AGBL4: variants seen among roughly 807,000 people sequenced by gnomAD.
AGBL4 encodes the protein AGBL carboxypeptidase 4, also known as cytosolic carboxypeptidase 6.
Under a neutral mutation model 66.4 loss-of-function variants are expected in AGBL4, and 58 were observed. The ratio of observed to expected loss-of-function variants is 0.87; its 90% CI spans 0.71 to 1.09. The LOEUF (loss-of-function observed/expected upper bound fraction) is 1.09. Ranked by LOEUF, AGBL4 falls within the 50% of genes least tolerant of loss-of-function variation. AGBL4 has a pLI of 0.00. For synonymous variants in AGBL4, 234 were observed against 222.9 expected (o/e 1.05, Z -0.44); for missense variants, 579 against 631.0 (o/e 0.92, Z 0.88).
chr1:48,714,368 C>G (rs1050955014), intron 6 of AGBL4, among the ~76,000 whole-genome samples: 1 of 152,218 alleles, frequency 6.6e-6, no homozygotes, highest in Non-Finnish European at 1.5e-5. Context: ...CACTGTCCAC[C>G]CACTCAGCCA....
chr1:48,871,961 A>T (rs868834014), intron 5 of AGBL4, among the ~76,000 whole-genome samples: 3 of 152,190 alleles, frequency 2.0e-5, no homozygotes, highest in Non-Finnish European at 2.9e-5. Context: ...TCTGGATTCA[A>T]TTATTCTCTC....
At chr1:49,053,016 T>C (rs983921126) in intron 4 of AGBL4, among the ~76,000 whole-genome samples, 1 of 152,150 alleles carries the variant, frequency 6.6e-6, no homozygotes, top group Non-Finnish European at 1.5e-5. Context: ...GTTTAGCTTA[T>C]AGATTTGTTG....
chr1:49,942,780 G>A (rs1654885739), intron 1 of AGBL4, among the ~76,000 whole-genome samples: 1 of 152,110 alleles, frequency 6.6e-6, no homozygotes, highest in African/African-American at 2.4e-5. Context: ...ATGAATTTTT[G>A]TACATGGTAT....
rs188202624 is a variant in AGBL4 at position 49,529,493 on chromosome 1, A to T, written c.282+167820T>A. Among the ~76,000 whole-genome samples the T allele has an allele frequency of 2.9e-3, 436 of 152,176 alleles. 2 individuals carry two copies. The highest frequency in any genetic ancestry group is 5.1e-3 in the Non-Finnish European group (347 of 67,994). On this transcript the variant is annotated intron_variant, in intron 3 of 13. Coordinates refer to ENST00000371839, the MANE Select transcript of AGBL4 (RefSeq NM_032785.4). ...CAGGAGTTCAAGACAAGCCTGGCCA[A>T]CATGGTGAAACCCCTTCTCTACTAA...
rs575783156 is a variant in AGBL4, at chr1:49,757,913, G to T, written c.158-60476C>A. On this transcript the variant is annotated intron_variant, in intron 2 of 13. Transcript: ENST00000371839. Reference sequence around the variant, plus strand: ...AGTAAAGAGGAGCTGAATGTTAATTGATAAGACTATGGGGAAAACGTCTCC... The same window carrying T: ...AGTAAAGAGGAGCTGAATGTTAATTTATAAGACTATGGGGAAAACGTCTCC... Among the ~76,000 whole-genome samples, 15 of 152,332 alleles carry T rather than the reference G, an allele frequency of 9.8e-5. No homozygotes were observed. In the South Asian group the frequency reaches 3.1e-3, roughly 32 times the overall value.
chr1:48,631,637 G>A lies in AGBL4; in HGVS notation c.951+2856C>T, dbSNP rs568580420. ...TCGAACTCCTGACTTCAGGTGGTCC[G>A]CCTGCCTCAGCTTCCCAAAGTGCTG... On this transcript the variant is annotated intron_variant, in intron 9 of 13. Transcript: ENST00000371839. 1.3e-4 allele frequency among the ~76,000 whole-genome samples: 20 copies of A among 152,204 alleles called. No homozygotes were observed. In the South Asian group the frequency reaches 3.3e-3, roughly 25 times the overall value.
intron 1 of AGBL4, among the ~76,000 whole-genome samples, chr1:49,954,448 C>T (rs1656423434): frequency 6.6e-6 from 1 of 151,966 alleles, no homozygotes; most frequent in African/African-American, 2.4e-5. Flanking sequence ...TCCTCCCTTT[C>T]TCTTTCCCAC....
At chr1:48,819,063 G>A (rs915174134) in intron 6 of AGBL4, among the ~76,000 whole-genome samples, 53 of 152,270 alleles carry the variant, frequency 3.5e-4, no homozygotes, top group African/African-American at 1.2e-3. Context: ...TATTGAAGAA[G>A]GACAACTCTG....
intron 2 of AGBL4, among the ~76,000 whole-genome samples, chr1:49,797,778 TC>T (rs1644766144): frequency 6.6e-6 from 1 of 152,068 alleles, no homozygotes; most frequent in Non-Finnish European, 1.5e-5. Context: ...TTTTTTCTTT[TC>T]TTTTTTTTTG....
At chr1:49,020,261 C>T (rs962417372) in intron 5 of AGBL4, among the ~76,000 whole-genome samples, 1 of 152,124 alleles carries the variant, frequency 6.6e-6, no homozygotes, top group African/African-American at 2.4e-5. Context: ...CACTTGGGCA[C>T]AGCACTTTTG....
intron 1 of AGBL4, among the ~76,000 whole-genome samples, chr1:50,007,909 G>GA (rs890668207): frequency 1.8e-4 from 28 of 151,948 alleles, no homozygotes; most frequent in Non-Finnish European, 4.1e-4. Context: ...GAAATTCCAA[G>GA]AAAAAAACAA....
Position 48,925,352 on chromosome 1 carries a change from C to G in AGBL4, c.595-58122G>C, listed in dbSNP as rs150690896. On this transcript the variant is annotated intron_variant, in intron 5 of 13. Transcript: ENST00000371839. ...AAATAATCTTAGATTACTTCTAATACCAAATACAATGTAAATTCTGTGTAA... is the reference window on the plus strand; with the variant it reads ...AAATAATCTTAGATTACTTCTAATAGCAAATACAATGTAAATTCTGTGTAA... Among the ~76,000 whole-genome samples the G allele has an allele frequency of 1.2e-3, 181 of 152,234 alleles. 3 individuals carry two copies. Among genetic ancestry groups the G allele is most frequent in the Admixed American group, 4.1e-3 (63 of 15,286 alleles).
chr1:48,574,862 G>A (rs1644625429), intron 11 of AGBL4, among the ~76,000 whole-genome samples: 1 of 152,134 alleles, frequency 6.6e-6, no homozygotes, highest in Non-Finnish European at 1.5e-5. Flanking sequence ...TGTCTTGGCT[G>A]GGCATGCAGC....
chr1:49,327,118 G>A (rs1209171088), intron 3 of AGBL4, among the ~76,000 whole-genome samples: 1 of 152,060 alleles, frequency 6.6e-6, no homozygotes, highest in Non-Finnish European at 1.5e-5. Flanking sequence ...AAGGACCCTT[G>A]TGATTATATT....
intron 6 of AGBL4, among the ~76,000 whole-genome samples, chr1:48,771,750 C>G (rs1557976269): frequency 6.6e-6 from 1 of 152,184 alleles, no homozygotes; most frequent in Non-Finnish European, 1.5e-5. Context: ...TGTAGAAGTT[C>G]CAAAGCATTT....
intron 6 of AGBL4, among the ~76,000 whole-genome samples, chr1:48,801,539 C>T (rs1452866878): frequency 6.6e-6 from 1 of 152,130 alleles, no homozygotes; most frequent in African/African-American, 2.4e-5. Flanking sequence ...GGGCTTTTCC[C>T]ATAGTTTTTT....
At chr1:49,494,586 C>T (rs1647362022) in intron 3 of AGBL4, among the ~76,000 whole-genome samples, 1 of 151,742 alleles carries the variant, frequency 6.6e-6, no homozygotes, top group Non-Finnish European at 1.5e-5. Context: ...CATCCATGTC[C>T]CTACAAAGGA....
intron 3 of AGBL4, among the ~76,000 whole-genome samples, chr1:49,562,525 A>C (rs2148856155): frequency 6.6e-6 from 1 of 152,236 alleles, no homozygotes; most frequent in East Asian, 1.9e-4. Context: ...CTTTCTGCTT[A>C]TGGCTAGCCA....
intron 3 of AGBL4, among the ~76,000 whole-genome samples, chr1:49,264,060 A>T (rs1345978353): frequency 1.3e-5 from 2 of 152,166 alleles, no homozygotes; most frequent in African/African-American, 4.8e-5. Flanking sequence ...TTGTATACTT[A>T]TATATAATCC....
Sources: gnomAD v4.1 joint callset for allele counts (sites outside exome capture counted in the v4.1 genomes callset) on GRCh38, gnomAD v4.1.1 for gene constraint, MANE v1.5 for transcripts, NCBI Gene and HGNC (gene_info 2026-07-23, HGNC 2026-07-21) for gene names.